The following STXBP5L variants were observed in gnomAD, a reference collection of about 807,000 sequenced individuals.
STXBP5L encodes the protein syntaxin-binding protein 5-like.
In STXBP5L, 65 loss-of-function variants were observed where a neutral mutation model predicts 144.5. The ratio of observed to expected loss-of-function variants is 0.45; its 90% CI spans 0.37 to 0.55. STXBP5L has a LOEUF of 0.55. STXBP5L is among the 20% of genes least tolerant of loss of function. The probability of loss-of-function intolerance (pLI) is 0.00; values close to 1 mark genes in which losing one functional copy is unlikely to be tolerated. For missense variants in STXBP5L, 1,298 were observed against 1,405.5 expected (o/e 0.92, Z 1.22); for synonymous variants, 505 against 469.6 (o/e 1.08, Z -0.97).
At chr3:120,965,837 G>A (rs1206542283) in intron 3 of STXBP5L, among the ~76,000 whole-genome samples, 3 of 152,038 alleles carry the variant, frequency 2.0e-5, no homozygotes, top group African/African-American at 7.2e-5. Context: ...TGCTAGGTTG[G>A]GGAAATTCTC....
At chr3:121,042,946 G>A (rs534831294) in intron 4 of STXBP5L, among the ~76,000 whole-genome samples, 84 of 151,790 alleles carry the variant, frequency 5.5e-4, no homozygotes, top group Middle Eastern at 3.4e-3. Flanking sequence ...ATACTCTGTA[G>A]TTCCTTGTTG....
chr3:121,330,601 G>C (rs1052518214), intron 20 of STXBP5L, among the ~76,000 whole-genome samples: 1 of 152,086 alleles, frequency 6.6e-6, no homozygotes, highest in Non-Finnish European at 1.5e-5. Flanking sequence ...CCTCCCCTGG[G>C]TAACTAACAT....
chr3:121,091,291 C>A (rs1425851157), intron 5 of STXBP5L, among the ~76,000 whole-genome samples: 1 of 147,256 alleles, frequency 6.8e-6, no homozygotes, highest in Non-Finnish European at 1.5e-5. Flanking sequence ...TGGGTATATA[C>A]CCAGTAATGG....
chr3:121,030,974 A>C (rs757403150), intron 3 of STXBP5L, among the ~76,000 whole-genome samples: 2 of 152,094 alleles, frequency 1.3e-5, no homozygotes, highest in Admixed American at 6.6e-5. Context: ...AACATCGCAA[A>C]CCATGCTATA....
At chr3:121,191,477 G>A (rs962963306) in intron 9 of STXBP5L, among the ~76,000 whole-genome samples, 5 of 152,160 alleles carry the variant, frequency 3.3e-5, no homozygotes, top group African/African-American at 4.8e-5. Context: ...GCAGTGAGTC[G>A]AGATAGCTGC....
intron 22 of STXBP5L, among the ~76,000 whole-genome samples, chr3:121,398,178 TC>T (rs2046780478): frequency 6.6e-6 from 1 of 152,240 alleles, no homozygotes; most frequent in African/African-American, 2.4e-5. Context: ...AATTTGAATT[TC>T]CCCATTGTAA....
chr3:121,368,916 C>A (rs1047907437), intron 20 of STXBP5L, among the ~76,000 whole-genome samples: 2 of 152,180 alleles, frequency 1.3e-5, no homozygotes, highest in Non-Finnish European at 2.9e-5. Context: ...TCACTTCAGA[C>A]AGAGGGTGTA....
At chr3:121,214,851 G>T (rs752314986) in intron 10 of STXBP5L, among the ~76,000 whole-genome samples, 3 of 151,820 alleles carry the variant, frequency 2.0e-5, no homozygotes, top group Admixed American at 2.0e-4. Flanking sequence ...GTTTTTTTTT[G>T]TTGGTCTCTA....
intron 17 of STXBP5L, among the ~76,000 whole-genome samples, chr3:121,258,189 G>A (rs1287517484): frequency 1.3e-5 from 2 of 152,108 alleles, no homozygotes; most frequent in African/African-American, 2.4e-5. Flanking sequence ...TAGTAATAGA[G>A]TATAAATTAC....
At chr3:120,960,777 G>A (rs1007413200) in intron 3 of STXBP5L, among the ~76,000 whole-genome samples, 2 of 152,050 alleles carry the variant, frequency 1.3e-5, no homozygotes, top group Admixed American at 6.6e-5. Context: ...GGGGCAGGGG[G>A]GAGGGATAGC....
At chr3:121,384,768 A>T (rs34070294) in intron 22 of STXBP5L, among the ~76,000 whole-genome samples, 3,495 of 152,150 alleles carry the variant, frequency 0.023, 60 homozygotes, top group Non-Finnish European at 0.035. Flanking sequence ...TTATAATTGT[A>T]AAAATCAAAA....
chr3:121,378,184 G>T (rs1159526983), intron 20 of STXBP5L, among the ~76,000 whole-genome samples: 3 of 151,982 alleles, frequency 2.0e-5, no homozygotes, highest in Non-Finnish European at 4.4e-5. Context: ...TGGGGGGAAA[G>T]GGGAGGGAGA....
intron 5 of STXBP5L, among the ~76,000 whole-genome samples, chr3:121,104,394 C>G (rs1051794562): frequency 6.6e-6 from 1 of 152,108 alleles, no homozygotes; most frequent in African/African-American, 2.4e-5. Context: ...CTAGAAAAAA[C>G]AATCCTAAAA....
At chr3:120,964,109 G>A (rs1027683332) in intron 3 of STXBP5L, among the ~76,000 whole-genome samples, 3 of 152,154 alleles carry the variant, frequency 2.0e-5, no homozygotes, top group African/African-American at 7.2e-5. Context: ...CTGCAGGATC[G>A]GTGGTGATAT....
At chr3:121,100,378 A>C (rs1290525860) in intron 5 of STXBP5L, among the ~76,000 whole-genome samples, 2 of 152,126 alleles carry the variant, frequency 1.3e-5, no homozygotes, top group African/African-American at 4.8e-5. Context: ...AACTCAAACA[A>C]ACTGAAATCA....
chr3:121,372,469 T>A (rs1339224770), intron 20 of STXBP5L, among the ~76,000 whole-genome samples: 1 of 152,174 alleles, frequency 6.6e-6, no homozygotes, highest in Admixed American at 6.5e-5. Context: ...CAGCTTTCCC[T>A]GCCAATTCAG....
chr3:121,165,730 A>G (rs1013503732), intron 9 of STXBP5L, among the ~76,000 whole-genome samples: 3 of 152,012 alleles, frequency 2.0e-5, no homozygotes, highest in Non-Finnish European at 1.5e-5. Flanking sequence ...ACCCCAGGTT[A>G]CCACTCCCAA....
chr3:121,238,203 T>C (rs1339584359), intron 12 of STXBP5L, among the ~76,000 whole-genome samples: 1 of 152,192 alleles, frequency 6.6e-6, no homozygotes, highest in African/African-American at 2.4e-5. Flanking sequence ...AAAAAAATGT[T>C]TATTTTGTTT....
chr3:121,004,865 A>C (rs997884758), intron 3 of STXBP5L, among the ~76,000 whole-genome samples: 1 of 152,070 alleles, frequency 6.6e-6, no homozygotes, highest in East Asian at 1.9e-4. Context: ...ATTGATTTGC[A>C]TATGTTGAAC....
Sources: allele counts gnomAD v4.1 joint callset (sites outside exome capture counted in the v4.1 genomes callset), GRCh38; gene constraint gnomAD v4.1.1; transcripts MANE v1.5; gene names NCBI Gene and HGNC (gene_info 2026-07-23, HGNC 2026-07-21).